The following SATB2 variants were observed in gnomAD, a reference collection of about 807,000 sequenced individuals.
SATB2 encodes DNA-binding protein SATB2.
In SATB2, 1 loss-of-function variant was observed where a neutral mutation model predicts 73.4. The ratio of observed to expected loss-of-function variants is 0.01; its 90% confidence interval spans 0.00 to 0.06. The LOEUF (loss-of-function observed/expected upper bound fraction) is 0.06. SATB2 is among the 10% of genes least tolerant of loss of function. The pLI, the probability that SATB2 is intolerant of heterozygous loss-of-function variation, is 1.00. For synonymous variants in SATB2, 397 were observed against 367.0 expected (o/e 1.08, Z -0.93); for missense variants, 459 against 945.8 (o/e 0.49, Z 6.75).
chr2:199,327,342 G>A (rs902655884), intron 8 of SATB2, among the ~76,000 whole-genome samples: 5 of 152,118 alleles, frequency 3.3e-5, no homozygotes, highest in Admixed American at 6.5e-5. Flanking sequence ...TCGGGAGGCC[G>A]AGGCAGGAGA....
At chr2:199,351,014 G>A (rs1259625170) in intron 6 of SATB2, among the ~76,000 whole-genome samples, 1 of 141,446 alleles carries the variant, frequency 7.1e-6, no homozygotes, top group African/African-American at 2.7e-5. Context: ...TGAGTGACGA[G>A]CGAGACTCTG....
intron 7 of SATB2, among the ~76,000 whole-genome samples, chr2:199,333,228 A>T (rs1688239612): frequency 6.6e-6 from 1 of 152,088 alleles, no homozygotes; most frequent in South Asian, 2.1e-4. Context: ...GAGAGGGATG[A>T]AGAGACTTAA....
At chr2:199,299,263 T>C (rs982295401) in intron 10 of SATB2, among the ~76,000 whole-genome samples, 2 of 152,202 alleles carry the variant, frequency 1.3e-5, no homozygotes, top group African/African-American at 4.8e-5. Context: ...TGCCACTTGA[T>C]CATTAATCAA....
At chr2:199,400,210 T>C (rs1407726323) in intron 3 of SATB2, among the ~76,000 whole-genome samples, 1 of 152,202 alleles carries the variant, frequency 6.6e-6, no homozygotes, top group Non-Finnish European at 1.5e-5. Context: ...TGAAACCTCC[T>C]TTCCCCATTA....
At chr2:199,388,583 T>C (rs1281462707) in intron 3 of SATB2, among the ~76,000 whole-genome samples, 4 of 152,186 alleles carry the variant, frequency 2.6e-5, no homozygotes, top group African/African-American at 7.2e-5. Context: ...TATCCAGCAG[T>C]ATTCTTATAA....
intron 7 of SATB2, among the ~76,000 whole-genome samples, chr2:199,337,724 A>G (rs1688376883): frequency 6.6e-6 from 1 of 152,202 alleles, no homozygotes; most frequent in African/African-American, 2.4e-5. Context: ...TTTTAGACAC[A>G]GAACTGTATA....
chr2:199,310,110 G>A (rs1397461199), intron 9 of SATB2, among the ~76,000 whole-genome samples: 3 of 152,186 alleles, frequency 2.0e-5, no homozygotes, highest in Non-Finnish European at 4.4e-5. Context: ...CGGCCTCCAT[G>A]TTAATAACCT....
At chr2:199,407,210 C>T (rs980046707) in intron 3 of SATB2, among the ~76,000 whole-genome samples, 1 of 143,024 alleles carries the variant, frequency 7.0e-6, no homozygotes, top group Non-Finnish European at 1.5e-5. Context: ...CACTTGAACC[C>T]GGGAGGCAGA....
rs539735023 is a variant in SATB2 at position 199,362,016 on chromosome 2, C to T, written c.700+6589G>A. Among the ~76,000 whole-genome samples the T allele has an allele frequency of 9.4e-5, 13 of 137,812 alleles. 1 individual carries two copies. In the South Asian group the frequency reaches 2.6e-3, roughly 28 times the overall value. The allele number at this position is 137,812 out of a possible 152,430, so 90.4% of individuals were successfully genotyped here. On this transcript the variant is annotated intron_variant, in intron 6 of 10. Transcript: ENST00000417098. ...CCTCCCAAAGTGCTAGGATTACAGG[C>T]GTGAGCCACCGCGCCCAGCCAGGTC...
intron 3 of SATB2, among the ~76,000 whole-genome samples, chr2:199,393,643 C>T (rs924808313): frequency 1.3e-5 from 2 of 151,830 alleles, no homozygotes; most frequent in African/African-American, 4.8e-5. Context: ...GCTTTGATTA[C>T]TGTCATTTTA....
upstream of SATB2, chr2:199,458,387 C>A: frequency 3.1e-6 from 1 of 326,096 alleles, no homozygotes; most frequent in Non-Finnish European, 6.1e-6. Flanking sequence ...GGAGAGTCGG[C>A]GGTCGGAGCG....
intron 1 of SATB2, 44 bp from the exon 2 acceptor site, chr2:199,456,140 G>A: frequency 9.4e-7 from 1 of 1,058,706 alleles, no homozygotes; most frequent in East Asian, 2.6e-5. Context: ...AGAAAAAAGA[G>A]GGAAAACCGC....
chr2:199,414,227 C>T (rs1690907355), intron 3 of SATB2, among the ~76,000 whole-genome samples: 1 of 152,196 alleles, frequency 6.6e-6, no homozygotes, highest in Admixed American at 6.5e-5. Flanking sequence ...CTTGTCAAGG[C>T]CCCTCTCACA....
At chr2:199,415,192 T>C (rs986999821) in intron 3 of SATB2, among the ~76,000 whole-genome samples, 2 of 152,214 alleles carry the variant, frequency 1.3e-5, no homozygotes, top group African/African-American at 4.8e-5. Flanking sequence ...TTATAACACA[T>C]ACTTCACATA....
chr2:199,410,803 T>A (rs1475792129), intron 3 of SATB2, among the ~76,000 whole-genome samples: 1 of 152,180 alleles, frequency 6.6e-6, no homozygotes, highest in East Asian at 1.9e-4. Flanking sequence ...TATGATGAAT[T>A]TTCCTATTAT....
intron 10 of SATB2, among the ~76,000 whole-genome samples, chr2:199,284,982 G>A (rs1003140517): frequency 2.6e-5 from 4 of 152,052 alleles, no homozygotes; most frequent in Non-Finnish European, 4.4e-5. Flanking sequence ...TTTTACATAA[G>A]GGGCTTGAGC....
chr2:199,408,171 T>C (rs1211190037), intron 3 of SATB2, among the ~76,000 whole-genome samples: 1 of 152,192 alleles, frequency 6.6e-6, no homozygotes, highest in African/African-American at 2.4e-5. Flanking sequence ...ATTCAACATT[T>C]TACCAATGAT....
At chr2:199,319,567 C>T (rs928371132) in intron 9 of SATB2, among the ~76,000 whole-genome samples, 2 of 152,018 alleles carry the variant, frequency 1.3e-5, no homozygotes, top group African/African-American at 4.8e-5. Flanking sequence ...GTCCACAGCC[C>T]TTCGGAAGTT....
intron 10 of SATB2, among the ~76,000 whole-genome samples, chr2:199,294,745 A>C (rs1233589923): frequency 6.6e-6 from 1 of 152,232 alleles, no homozygotes; most frequent in African/African-American, 2.4e-5. Context: ...AAATCATTGC[A>C]TGTGAATACT....
Sources: allele counts gnomAD v4.1 joint callset (sites outside exome capture counted in the v4.1 genomes callset), GRCh38; gene constraint gnomAD v4.1.1; transcripts MANE v1.5; gene names NCBI Gene and HGNC (gene_info 2026-07-23, HGNC 2026-07-21).